PTK2: variants seen among roughly 807,000 people sequenced by gnomAD.
PTK2 encodes focal adhesion kinase 1.
A neutral mutation model predicts 150.1 loss-of-function variants in PTK2; 45 were observed. The ratio of observed to expected loss-of-function variants is 0.30; its 90% CI spans 0.24 to 0.38. PTK2 has a LOEUF of 0.38. PTK2 is among the 10% of genes least tolerant of loss of function. The pLI, the probability that PTK2 is intolerant of heterozygous loss-of-function variation, is 1.00. For missense variants in PTK2, 919 were observed against 1,307.3 expected (o/e 0.70, Z 4.58); for synonymous variants, 432 against 449.2 (o/e 0.96, Z 0.48).
chr8:140,717,786 T>C, intron 22 of PTK2, 77 bp from the exon 26 acceptor site: 1 of 1,110,082 alleles, frequency 9.0e-7, no homozygotes, highest in East Asian at 2.4e-5. Flanking sequence ...CTGAGTTATC[T>C]AAGGAACACC....
chr8:140,867,905 G>A (rs777552028), intron 4 of PTK2, among the ~76,000 whole-genome samples: 2 of 152,106 alleles, frequency 1.3e-5, no homozygotes, highest in African/African-American at 4.8e-5. Flanking sequence ...GCTCTTACAC[G>A]AAACTCGTCA....
At chr8:140,937,778 T>G (rs1603425137) in intron 1 of PTK2, among the ~76,000 whole-genome samples, 1 of 152,184 alleles carries the variant, frequency 6.6e-6, no homozygotes, top group African/African-American at 2.4e-5. Flanking sequence ...CAATGTAATC[T>G]TTCCATATAG....
intron 10 of PTK2, among the ~76,000 whole-genome samples, chr8:140,816,776 T>C (rs940989453): frequency 6.6e-6 from 1 of 152,188 alleles, no homozygotes; most frequent in Admixed American, 6.5e-5. Context: ...TCTATTAAAA[T>C]GGAAAAATTA....
intron 5 of PTK2, among the ~76,000 whole-genome samples, chr8:140,854,272 C>A (rs1056358677): frequency 6.6e-6 from 1 of 152,176 alleles, no homozygotes; most frequent in Non-Finnish European, 1.5e-5. Context: ...CAGGCTCAGG[C>A]ATCTGAAGAG....
intron 7 of PTK2, among the ~76,000 whole-genome samples, chr8:140,831,819 A>T (rs1361776011): frequency 6.6e-6 from 1 of 152,160 alleles, no homozygotes; most frequent in Non-Finnish European, 1.5e-5. Flanking sequence ...CTATTTTGAC[A>T]GTTGGATATG....
chr8:140,996,572 G>T (rs1371694170), intron 1 of PTK2, among the ~76,000 whole-genome samples: 1 of 152,204 alleles, frequency 6.6e-6, no homozygotes, highest in Non-Finnish European at 1.5e-5. Context: ...TCAAGTTGAA[G>T]CCAATGCTCG....
chr8:140,751,335 A>G (rs917366020), intron 17 of PTK2, among the ~76,000 whole-genome samples: 3 of 151,970 alleles, frequency 2.0e-5, no homozygotes, highest in African/African-American at 7.3e-5. Context: ...TGCCCAGCTA[A>G]TTTTTTTAAT....
chr8:140,723,444 ATC>A (rs1394764016), intron 22 of PTK2, among the ~76,000 whole-genome samples: 3 of 152,186 alleles, frequency 2.0e-5, no homozygotes, highest in Non-Finnish European at 4.4e-5. Flanking sequence ...CATAAAAAAT[ATC>A]TGTTTTTACA....
intron 2 of PTK2, among the ~76,000 whole-genome samples, chr8:140,897,624 T>A (rs1056593845): frequency 3.3e-5 from 5 of 152,204 alleles, no homozygotes; most frequent in African/African-American, 1.2e-4. Context: ...TGGGCACTCA[T>A]CACGGTTTGG....
chr8:140,898,151 G>A (rs943556484), intron 2 of PTK2, among the ~76,000 whole-genome samples: 1 of 152,062 alleles, frequency 6.6e-6, no homozygotes, highest in Non-Finnish European at 1.5e-5. Flanking sequence ...CTAGAAAAAA[G>A]AAGTTTTTTT....
At chr8:140,866,766 A>G (rs1484202456) in intron 4 of PTK2, among the ~76,000 whole-genome samples, 1 of 152,206 alleles carries the variant, frequency 6.6e-6, no homozygotes, top group Admixed American at 6.5e-5. Context: ...CTAACTCCCA[A>G]AAAGTTTGCA....
chr8:140,894,078 C>T (rs976448470), intron 2 of PTK2, among the ~76,000 whole-genome samples: 10 of 152,154 alleles, frequency 6.6e-5, no homozygotes, highest in Admixed American at 1.3e-4. Flanking sequence ...CATACTCCCC[C>T]CAATGTGATG....
intron 1 of PTK2, among the ~76,000 whole-genome samples, chr8:140,950,564 G>A (rs10104386): frequency 0.022 from 3,280 of 152,314 alleles, 124 homozygotes; most frequent in African/African-American, 0.076. Context: ...GGCAGGTGTG[G>A]GATCCAGGCT....
intron 1 of PTK2, among the ~76,000 whole-genome samples, chr8:140,969,126 G>C (rs2100186325): frequency 6.6e-6 from 1 of 152,158 alleles, no homozygotes; most frequent in Non-Finnish European, 1.5e-5. Context: ...AACAGTAGCA[G>C]GTGGATGAGG....
chr8:140,906,948 G>T (rs975340579), intron 2 of PTK2, among the ~76,000 whole-genome samples: 4 of 152,100 alleles, frequency 2.6e-5, no homozygotes, highest in Non-Finnish European at 5.9e-5. Flanking sequence ...TCAATGAAAT[G>T]AGTTACCTGA....
In PTK2 at chr8:140,814,781, T is replaced by TC. The variant is rs1476849462; in HGVS notation, c.867+3495_867+3496insG. Among the ~76,000 whole-genome samples the TC allele has an allele frequency of 3.3e-5, 5 of 151,854 alleles. No individual in the cohort carries two copies. In the East Asian group the frequency reaches 9.6e-4, roughly 29 times the overall value. On this transcript the variant is annotated intron_variant, in intron 10 of 31. Coordinates refer to ENST00000522684, the Ensembl canonical transcript of PTK2. Reference sequence around the variant, plus strand: ...CCAAAGGAATATAAATTGTTCTTTTTTTTTTTTTTTTGAGACGGAGTCTCG... The same window carrying TC: ...CCAAAGGAATATAAATTGTTCTTTTTCTTTTTTTTTTTGAGACGGAGTCTCG...
chr8:140,687,925 C>T (rs1334109560), intron 26 of PTK2, among the ~76,000 whole-genome samples: 2 of 152,206 alleles, frequency 1.3e-5, no homozygotes, highest in South Asian at 2.1e-4. Context: ...GGCACAGTGC[C>T]TGGAGGTAGC....
chr8:140,967,175 G>A (rs909498599), intron 1 of PTK2, among the ~76,000 whole-genome samples: 2 of 152,170 alleles, frequency 1.3e-5, no homozygotes, highest in African/African-American at 4.8e-5. Flanking sequence ...GAGAGACCAG[G>A]AATTCAAATA....
In PTK2 at chr8:140,693,564, T is replaced by TAA. The variant is rs377205785; in HGVS notation, c.2500-6872_2500-6871dup. Among the ~76,000 whole-genome samples the TAA allele has an allele frequency of 2.8e-4, 20 of 72,456 alleles. 1 individual carries two copies. The highest frequency in any genetic ancestry group is 9.3e-4 in the East Asian group (2 of 2,162). The allele number at this position is 72,456 out of a possible 152,430, so 47.5% of individuals were successfully genotyped here. ...CCACAGAGTGAGACTTTGTCTCAAT[T>TAA]AAAAAAAAAAAAAAAAAAAAAAAAA... On this transcript the variant is annotated intron_variant, in intron 26 of 31. Coordinates refer to ENST00000522684, the Ensembl canonical transcript of PTK2.
Sources: allele counts gnomAD v4.1 joint callset (sites outside exome capture counted in the v4.1 genomes callset), GRCh38; gene constraint gnomAD v4.1.1; transcripts MANE v1.5; gene names NCBI Gene and HGNC (gene_info 2026-07-23, HGNC 2026-07-21).